Variants in TSPAN8 observed in about 807,000 individuals in gnomAD.
TSPAN8 encodes tetraspanin-8.
A neutral mutation model predicts 32.8 loss-of-function variants in TSPAN8; 21 were observed. The ratio of observed to expected loss-of-function variants is 0.64; its 90% CI spans 0.45 to 0.92. The LOEUF (loss-of-function observed/expected upper bound fraction) is 0.92. TSPAN8 is among the 40% of genes least tolerant of loss of function. The pLI, the probability that TSPAN8 is intolerant of heterozygous loss-of-function variation, is 0.00. For synonymous variants in TSPAN8, 95 were observed against 94.6 expected (o/e 1.00, Z -0.03); for missense variants, 269 against 281.9 (o/e 0.95, Z 0.33).
chr12:71,137,430 C>A (rs1381969990), intron 6 of TSPAN8, among the ~76,000 whole-genome samples: 1 of 152,094 alleles, frequency 6.6e-6, no homozygotes. Context: ...GAGACTCTGT[C>A]TCTACTAAAA....
intron 2 of TSPAN8, among the ~76,000 whole-genome samples, chr12:71,144,826 A>C (rs1167038644): frequency 6.6e-6 from 1 of 152,210 alleles, no homozygotes; most frequent in African/African-American, 2.4e-5. Context: ...AGGAACAATG[A>C]AAGACAGAAC....
In TSPAN8 at chr12:71,157,607, G is replaced by T; in HGVS notation, c.60+12C>A. The T allele has an allele frequency of 6.3e-7, 1 of 1,593,408 alleles. No homozygotes were observed. The highest frequency in any genetic ancestry group is 8.6e-7 in the Non-Finnish European group (1 of 1,161,654). ...CTTGCATAAAATTGATAATTAAAAG[G>T]AAAACACTTACCCAGAACAAGAAGT... is the stretch of plus-strand genomic sequence containing the variant. On this transcript the variant is annotated intron_variant, in intron 2 of 8. Transcript: ENST00000247829.
intron 8 of TSPAN8, 66 bp downstream of exon 8, chr12:71,129,265 A>G: frequency 7.0e-7 from 1 of 1,436,326 alleles, no homozygotes; most frequent in Non-Finnish European, 9.3e-7. Flanking sequence ...TTCACCATCA[A>G]TATTTCTTGA....
At chr12:71,141,140 GT>G (rs2137054017) in intron 3 of TSPAN8, among the ~76,000 whole-genome samples, 1 of 152,282 alleles carries the variant, frequency 6.6e-6, no homozygotes, top group African/African-American at 2.4e-5. Context: ...ACCCAACCTA[GT>G]GGGCTCCAGT....
intron 6 of TSPAN8, among the ~76,000 whole-genome samples, chr12:71,135,902 A>G (rs1426326252): frequency 6.6e-6 from 1 of 152,148 alleles, no homozygotes; most frequent in Non-Finnish European, 1.5e-5. Flanking sequence ...GCTGGGCTCT[A>G]GAGTAAGAAT....
chr12:71,154,913 AC>A (rs946820830), intron 2 of TSPAN8, among the ~76,000 whole-genome samples: 4 of 152,334 alleles, frequency 2.6e-5, no homozygotes, highest in African/African-American at 9.6e-5. Flanking sequence ...AACTTGAGTC[AC>A]CTTGAAGAAG....
At chr12:71,127,284 C>CTT (rs5799021) in intron 8 of TSPAN8, among the ~76,000 whole-genome samples, 44 of 150,784 alleles carry the variant, frequency 2.9e-4, no homozygotes, top group South Asian at 1.2e-3. Context: ...CTATAAAATG[C>CTT]TTTGTTTTTG....
intron 2 of TSPAN8, among the ~76,000 whole-genome samples, chr12:71,144,600 G>T (rs970057285): frequency 6.6e-6 from 1 of 152,134 alleles, no homozygotes; most frequent in Non-Finnish European, 1.5e-5. Context: ...TTTGTGAGAA[G>T]CTATGTTGGA....
At chr12:71,154,284 T>A (rs1268929599) in intron 2 of TSPAN8, among the ~76,000 whole-genome samples, 1 of 150,492 alleles carries the variant, frequency 6.6e-6, no homozygotes, top group African/African-American at 2.4e-5. Flanking sequence ...TATTCCAGCC[T>A]GGGCAACAGA....
chr12:71,139,021 T>A (rs1456219240), intron 4 of TSPAN8: 1 of 431,850 alleles, frequency 2.3e-6, no homozygotes, highest in African/African-American at 2.0e-5. Context: ...TAAAAGTGAA[T>A]GCCTGTGAAT....
At chr12:71,142,786 C>G (rs1316909324) in intron 3 of TSPAN8, among the ~76,000 whole-genome samples, 2 of 147,334 alleles carry the variant, frequency 1.4e-5, no homozygotes, top group African/African-American at 2.5e-5. Context: ...TCTGGGCTCC[C>G]TAAGGGCAGA....
At chr12:71,125,464 A>C (rs1871323143) in intron 8 of TSPAN8, 77 bp from the exon 9 acceptor site, 2 of 1,221,140 alleles carry the variant, frequency 1.6e-6, no homozygotes, top group East Asian at 4.7e-5. Flanking sequence ...CAGAAAGAAC[A>C]TTATATATGA....
intron 2 of TSPAN8, chr12:71,157,344 G>A (rs1872476434): frequency 2.8e-6 from 1 of 353,062 alleles, no homozygotes; most frequent in Non-Finnish European, 5.2e-6. Flanking sequence ...TAATTAAGGG[G>A]CATTTGTGTT....
intron 4 of TSPAN8, among the ~76,000 whole-genome samples, chr12:71,138,644 T>G (rs1356135999): frequency 6.6e-6 from 1 of 152,218 alleles, no homozygotes; most frequent in Admixed American, 6.5e-5. Flanking sequence ...TTGTTACATA[T>G]ATAGATTCCT....
At chr12:71,155,978 A>T (rs1394725815) in intron 2 of TSPAN8, among the ~76,000 whole-genome samples, 1 of 151,892 alleles carries the variant, frequency 6.6e-6, no homozygotes, top group African/African-American at 2.4e-5. Context: ...TGATCCACCC[A>T]TCTCGGTCTC....
rs116816388 is a variant in TSPAN8 at position 71,157,491 on chromosome 12, C to T, written c.60+128G>A. 350 of 640,902 alleles carry T rather than the reference C, an allele frequency of 5.5e-4. No individual in the cohort carries two copies. In the African/African-American group the frequency reaches 6.1e-3, roughly 11 times the overall value. 39.7% of individuals were successfully genotyped at this position (640,902 alleles called of 1,614,324 possible). On this transcript the variant is annotated intron_variant, in intron 2 of 8. Transcript: ENST00000247829. ...CAAAGAAAGAACAAACAAATCCAAA[C>T]AAGTACATGGAAAATACATTTTCCC...
At chr12:71,136,199 A>G (rs908392363) in intron 6 of TSPAN8, among the ~76,000 whole-genome samples, 5 of 152,182 alleles carry the variant, frequency 3.3e-5, no homozygotes, top group Non-Finnish European at 5.9e-5. Flanking sequence ...AGAAAAATCT[A>G]TCATATATAA....
rs1872494452 is a variant in TSPAN8, at chr12:71,157,779, T to C, written c.-101A>G. ...AGCAACTTGCCTGCAGAGATTTCTG[T>C]ATCCACGGCTTCAGAGCAGAAAGAG... On this transcript the variant is annotated 5_prime_UTR_variant, in exon 2 of 9. It adds an upstream start codon to the 5' untranslated region. Coordinates refer to ENST00000247829, the MANE Select transcript of TSPAN8 (RefSeq NM_004616.3). The C allele has an allele frequency of 1.2e-6, 1 of 839,166 alleles. No individual in the cohort carries two copies. Among genetic ancestry groups the C allele is most frequent in the African/African-American group, 1.7e-5 (1 of 58,834 alleles). 52.0% of individuals were successfully genotyped at this position (839,166 alleles called of 1,614,324 possible).
At chr12:71,130,640 T>A (rs1372176464) in intron 7 of TSPAN8, among the ~76,000 whole-genome samples, 1 of 58,604 alleles carries the variant, frequency 1.7e-5, no homozygotes, top group African/African-American at 3.9e-5. Context: ...CTAAGTCATC[T>A]TTCCCCTTCA....
Sources: gnomAD v4.1 joint callset for allele counts (sites outside exome capture counted in the v4.1 genomes callset) on GRCh38, gnomAD v4.1.1 for gene constraint, MANE v1.5 for transcripts, NCBI Gene and HGNC (gene_info 2026-07-23, HGNC 2026-07-21) for gene names.